The following DIAPH2 variants were observed in gnomAD, a reference collection of about 807,000 sequenced individuals.
DIAPH2 encodes the protein diaphanous related formin 2, also known as protein diaphanous homolog 2.
DIAPH2 carries 35 observed loss-of-function variants against 92.7 expected under a neutral mutation model. That is an observed-to-expected ratio of 0.38 (90% CI 0.29 to 0.50). The LOEUF is 0.50. Ranked by LOEUF, DIAPH2 falls within the 20% of genes least tolerant of loss-of-function variation. The pLI is 0.94. For synonymous variants in DIAPH2, 301 were observed against 280.4 expected, an observed-to-expected ratio of 1.07 and a Z score of -0.73; for missense variants, 701 against 819.5, an observed-to-expected ratio of 0.86 and a Z score of 1.77.
At chrX:97,321,309 G>T (rs971906112) in intron 23 of DIAPH2, among the ~76,000 whole-genome samples, 11 of 110,416 alleles carry the variant, frequency 1.0e-4, no homozygotes, top group Non-Finnish European at 1.3e-4. Context: ...CCAAAATAAT[G>T]CAGGTAGCAT....
At chrX:96,987,518 A>G (rs1321990436) in intron 17 of DIAPH2, among the ~76,000 whole-genome samples, 1 of 110,975 alleles carries the variant, frequency 9.0e-6, no homozygotes, top group African/African-American at 3.3e-5. Flanking sequence ...TTCTTTCTGT[A>G]TTTTAGGCCC....
intron 23 of DIAPH2, among the ~76,000 whole-genome samples, chrX:97,340,894 C>T (rs758492183): frequency 9.1e-6 from 1 of 110,083 alleles, no homozygotes; most frequent in East Asian, 2.8e-4. Context: ...CTTAAGTGAT[C>T]CACCTGCCTT....
At chrX:97,147,708 A>G (rs940732025) in intron 22 of DIAPH2, among the ~76,000 whole-genome samples, 2 of 111,918 alleles carry the variant, frequency 1.8e-5, no homozygotes, top group East Asian at 5.5e-4. Flanking sequence ...AATTGGTGCC[A>G]TCCTACAAGA....
At chrX:96,810,718 G>C (rs1444816001) in intron 4 of DIAPH2, among the ~76,000 whole-genome samples, 3 of 111,750 alleles carry the variant, frequency 2.7e-5, no homozygotes, top group South Asian at 3.7e-4. Flanking sequence ...GGGGAATCCA[G>C]TTTCAGCTTT....
chrX:97,228,147 C>T (rs1304822836), intron 22 of DIAPH2, among the ~76,000 whole-genome samples: 1 of 111,870 alleles, frequency 8.9e-6, no homozygotes, highest in Admixed American at 9.5e-5. Flanking sequence ...GCGATCCCCC[C>T]GCCTCAGCCT....
intron 4 of DIAPH2, among the ~76,000 whole-genome samples, chrX:96,849,042 A>G (rs1033783127): frequency 8.9e-6 from 1 of 112,211 alleles, no homozygotes; most frequent in East Asian, 2.8e-4. Context: ...TATCTAGATC[A>G]TATTATCTAT....
rs187795225 is a variant in DIAPH2, at chrX:96,955,047, A to G, written c.1615-2781A>G. Among the ~76,000 whole-genome samples, 9 of 112,734 alleles carry G rather than the reference A, an allele frequency of 8.0e-5. No homozygotes were observed. In the Admixed American group the frequency reaches 8.4e-4, roughly 11 times the overall value. ...TCATTATTTTAGAGGAGTATTTCAC[A>G]AAATCTTTGAGGATACTGTATTAGT... On this transcript the variant is annotated intron_variant, in intron 15 of 26. Transcript: ENST00000324765.
chrX:96,985,086 G>C (rs1430200386), intron 17 of DIAPH2, among the ~76,000 whole-genome samples: 1 of 111,201 alleles, frequency 9.0e-6, no homozygotes, highest in Non-Finnish European at 1.9e-5. Flanking sequence ...TCATTTACAC[G>C]ATGTCAGTTG....
intron 4 of DIAPH2, among the ~76,000 whole-genome samples, chrX:96,815,390 G>C (rs1442027599): frequency 2.7e-5 from 3 of 111,751 alleles, no homozygotes; most frequent in Non-Finnish European, 5.7e-5. Flanking sequence ...GGAAAGCACA[G>C]TATTTGGGCC....
At chrX:97,039,534 G>T (rs1378889727) in intron 17 of DIAPH2, among the ~76,000 whole-genome samples, 1 of 111,407 alleles carries the variant, frequency 9.0e-6, no homozygotes, top group Non-Finnish European at 1.9e-5. Context: ...GGACTCAAGA[G>T]AAATTATACA....
At chrX:97,041,590 G>A (rs2066448815) in intron 17 of DIAPH2, among the ~76,000 whole-genome samples, 1 of 111,466 alleles carries the variant, frequency 9.0e-6, no homozygotes, top group Non-Finnish European at 1.9e-5. Flanking sequence ...GGGAAATTTT[G>A]ACTTAATGAA....
intron 23 of DIAPH2, among the ~76,000 whole-genome samples, chrX:97,313,065 G>A (rs946730962): frequency 1.5e-4 from 17 of 110,663 alleles, no homozygotes; most frequent in African/African-American, 5.2e-4. Flanking sequence ...GGTGCCTGTA[G>A]TCCCAGCTAC....
intron 4 of DIAPH2, among the ~76,000 whole-genome samples, chrX:96,824,618 C>T (rs930450812): frequency 2.7e-5 from 3 of 111,797 alleles, no homozygotes; most frequent in Non-Finnish European, 5.6e-5. Flanking sequence ...CATTGGGATG[C>T]TTCCCCTCAA....
At chrX:97,493,243 TATTTATTTATTC>T (rs200749917) in intron 26 of DIAPH2, among the ~76,000 whole-genome samples, 10,045 of 110,063 alleles carry the variant, frequency 0.091, 588 homozygotes, top group Non-Finnish European at 0.15. Flanking sequence ...TTTATTTATT[TATTTATTTATTC>T]ATTTATTTAT....
chrX:97,159,233 T>C (rs969896511), intron 22 of DIAPH2, among the ~76,000 whole-genome samples: 8 of 112,097 alleles, frequency 7.1e-5, no homozygotes, highest in African/African-American at 2.6e-4. Flanking sequence ...GGTTGGCAAA[T>C]GCCTTTTCAA....
intron 23 of DIAPH2, among the ~76,000 whole-genome samples, chrX:97,305,808 A>G (rs1473093104): frequency 1.0e-5 from 1 of 98,609 alleles, no homozygotes; most frequent in South Asian, 5.0e-4. Context: ...TGGGCGACAG[A>G]GCGAGACTCC....
chrX:96,692,479 T>C (rs1466866129), intron 1 of DIAPH2, among the ~76,000 whole-genome samples: 1 of 112,030 alleles, frequency 8.9e-6, no homozygotes, highest in Admixed American at 9.5e-5. Context: ...AAATTACTGG[T>C]AAAATCTTAT....
At chrX:97,365,768 C>T (rs1272425129) in intron 24 of DIAPH2, among the ~76,000 whole-genome samples, 1 of 105,907 alleles carries the variant, frequency 9.4e-6, no homozygotes, top group Admixed American at 1.0e-4. Flanking sequence ...TACAGTGGTA[C>T]AATCTCGGCT....
chrX:97,049,467 G>A (rs1184730303), intron 17 of DIAPH2, among the ~76,000 whole-genome samples: 1 of 111,101 alleles, frequency 9.0e-6, no homozygotes, highest in African/African-American at 3.3e-5. Context: ...CTGCTATGGA[G>A]TACTACAGGT....
Sources: gnomAD v4.1 joint callset for allele counts (sites outside exome capture counted in the v4.1 genomes callset) on GRCh38, gnomAD v4.1.1 for gene constraint, MANE v1.5 for transcripts, NCBI Gene and HGNC (gene_info 2026-07-23, HGNC 2026-07-21) for gene names.